KIFAP3: variants seen among roughly 807,000 people sequenced by gnomAD.
KIFAP3 encodes kinesin-associated protein 3.
A neutral mutation model predicts 106.5 loss-of-function variants in KIFAP3; 68 were observed. The ratio of observed to expected loss-of-function variants is 0.64; its 90% confidence interval spans 0.53 to 0.78. The LOEUF (loss-of-function observed/expected upper bound fraction) is 0.78, where lower values mean the gene tolerates loss of function less well. Ranked by LOEUF, KIFAP3 falls within the 30% of genes least tolerant of loss-of-function variation. The pLI, the probability that KIFAP3 is intolerant of heterozygous loss-of-function variation, is 0.00. For missense variants in KIFAP3, 780 were observed against 941.8 expected, an observed-to-expected ratio of 0.83 and a Z score of 2.25; for synonymous variants, 320 against 311.5, an observed-to-expected ratio of 1.03 and a Z score of -0.29.
intron 10 of KIFAP3, among the ~76,000 whole-genome samples, chr1:170,013,395 T>TA (rs1668343806): frequency 6.6e-6 from 1 of 151,690 alleles, no homozygotes; most frequent in African/African-American, 2.4e-5. Flanking sequence ...TGTAATTTTG[T>TA]AATATTGCAT....
intron 14 of KIFAP3, 28 bp downstream of exon 14, chr1:169,982,664 CTTAGTGATTA>C (rs1322950563): frequency 7.2e-7 from 1 of 1,386,996 alleles, no homozygotes; most frequent in Non-Finnish European, 9.8e-7. Flanking sequence ...AAAGAAATAA[CTTAGTGATTA>C]TACAAAAGTG....
chr1:170,008,710 G>A (rs1668095274), intron 10 of KIFAP3, among the ~76,000 whole-genome samples: 1 of 152,186 alleles, frequency 6.6e-6, no homozygotes. Flanking sequence ...AAGACAGTGT[G>A]GCGATTCCTC....
chr1:170,068,712 A>G (rs1671564789), intron 1 of KIFAP3: 1 of 152,066 alleles, frequency 6.6e-6, no homozygotes, highest in Non-Finnish European at 1.5e-5. Flanking sequence ...TACACATCCA[A>G]GAAGCTCAAT....
intron 8 of KIFAP3, among the ~76,000 whole-genome samples, chr1:170,027,958 G>C (rs986464382): frequency 6.6e-6 from 1 of 152,032 alleles, no homozygotes; most frequent in Non-Finnish European, 1.5e-5. Context: ...CATGACAGCA[G>C]ACTTCTCATC....
At chr1:170,080,075 T>C (rs1249580486) in intron 1 of KIFAP3, among the ~76,000 whole-genome samples, 2 of 152,042 alleles carry the variant, frequency 1.3e-5, no homozygotes, top group Admixed American at 6.6e-5. Context: ...ATTAGTAATA[T>C]CATAGAATAT....
chr1:169,955,159 T>G (rs1664940916), intron 18 of KIFAP3, among the ~76,000 whole-genome samples: 1 of 152,158 alleles, frequency 6.6e-6, no homozygotes, highest in South Asian at 2.1e-4. Flanking sequence ...CAGATAAACA[T>G]TAGCTAGGTC....
At chr1:169,965,857 A>T (rs535063037) in intron 17 of KIFAP3, among the ~76,000 whole-genome samples, 110 of 152,130 alleles carry the variant, frequency 7.2e-4, no homozygotes, top group African/African-American at 2.5e-3. Flanking sequence ...ATCCATGAGC[A>T]TCCATGACTA....
rs922147033 is a variant in KIFAP3 at position 169,983,287 on chromosome 1, T to C, written c.1489A>G (p.Thr497Ala). 2 of 1,599,032 alleles carry C rather than the reference T, an allele frequency of 1.3e-6. No individual in the cohort carries two copies. Among genetic ancestry groups the C allele is most frequent in the Non-Finnish European group, 1.7e-6 (2 of 1,171,044 alleles). Residue 497 changes from threonine to alanine, a missense_variant, in exon 13 of 20, where the codon ACT becomes GCT. By Grantham distance (58) the Thr-to-Ala change is moderately conservative (BLOSUM62 0). Transcript: ENST00000361580. ...ATACTTACAATAAACAGATTTTTAGTTGGTCCATCATGCTGAGAAATGTTT... is the reference window on the plus strand; with the variant it reads ...ATACTTACAATAAACAGATTTTTAGCTGGTCCATCATGCTGAGAAATGTTT... ...IRNISQHDGP[T>A]KNLFIDYVGD...
chr1:170,029,623 A>G (rs548082561), intron 8 of KIFAP3, among the ~76,000 whole-genome samples: 5 of 151,960 alleles, frequency 3.3e-5, no homozygotes, highest in Admixed American at 1.3e-4. Flanking sequence ...AAAAAATAAG[A>G]GTATATTAAA....
intron 18 of KIFAP3, among the ~76,000 whole-genome samples, chr1:169,960,556 G>A (rs1446954982): frequency 1.3e-5 from 2 of 152,002 alleles, no homozygotes; most frequent in Non-Finnish European, 2.9e-5. Context: ...AGTTTAGAAA[G>A]AATAAACAAT....
chr1:170,064,941 G>T (rs1485025987), intron 1 of KIFAP3, among the ~76,000 whole-genome samples: 1 of 152,084 alleles, frequency 6.6e-6, no homozygotes, highest in Non-Finnish European at 1.5e-5. Flanking sequence ...CCTTTCTAAT[G>T]TCCTTTTTCT....
At chr1:170,013,666 A>G (rs970593406) in intron 10 of KIFAP3, among the ~76,000 whole-genome samples, 19 of 152,050 alleles carry the variant, frequency 1.2e-4, no homozygotes, top group Admixed American at 1.2e-3. Flanking sequence ...AGGATTTGCT[A>G]CGATGTGTCA....
At chr1:169,951,890 C>T (rs932248654) in intron 19 of KIFAP3, among the ~76,000 whole-genome samples, 26 of 151,732 alleles carry the variant, frequency 1.7e-4, no homozygotes, top group African/African-American at 5.8e-4. Context: ...CTTATAAATG[C>T]TATAAGCAAA....
At chr1:169,944,564 C>A (rs1224070399) in intron 19 of KIFAP3, among the ~76,000 whole-genome samples, 1 of 152,104 alleles carries the variant, frequency 6.6e-6, no homozygotes, top group Non-Finnish European at 1.5e-5. Context: ...CTCTTTGAGT[C>A]CTGCCATTCA....
chr1:170,084,957 T>G (rs1557887416), intron 1 of KIFAP3: 2 of 152,190 alleles, frequency 1.3e-5, no homozygotes, highest in Non-Finnish European at 2.9e-5. Context: ...AGAATTACAT[T>G]TTAAAAATAC....
At chr1:170,005,114 T>C (rs1243623646) in intron 10 of KIFAP3, among the ~76,000 whole-genome samples, 16 of 151,222 alleles carry the variant, frequency 1.1e-4, no homozygotes, top group African/African-American at 2.9e-4. Flanking sequence ...AAAATGCTCA[T>C]CATCACTGGC....
intron 8 of KIFAP3, among the ~76,000 whole-genome samples, chr1:170,029,854 T>C (rs370740311): frequency 2.0e-5 from 3 of 152,098 alleles, no homozygotes; most frequent in East Asian, 1.9e-4. Context: ...CTGACAAAGA[T>C]ATAAATCAAT....
At chr1:170,053,548 A>G (rs546553060) in intron 2 of KIFAP3, among the ~76,000 whole-genome samples, 3 of 151,714 alleles carry the variant, frequency 2.0e-5, no homozygotes, top group African/African-American at 7.2e-5. Flanking sequence ...AAAACAAAAC[A>G]AAACAAAAAA....
intron 19 of KIFAP3, 128 bp from the exon 20 acceptor site, chr1:169,921,909 C>A: frequency 3.6e-6 from 2 of 548,970 alleles, no homozygotes; most frequent in Non-Finnish European, 2.9e-6. Flanking sequence ...AGGTGGATAT[C>A]ATTAACTTTT....
Sources: gnomAD v4.1 joint callset for allele counts (sites outside exome capture counted in the v4.1 genomes callset) on GRCh38, gnomAD v4.1.1 for gene constraint, MANE v1.5 for transcripts, NCBI Gene and HGNC (gene_info 2026-07-23, HGNC 2026-07-21) for gene names.